The following RNF38 variants were observed in gnomAD, a reference collection of about 807,000 sequenced individuals.
The protein encoded by RNF38 is ring finger protein 38, also known as E3 ubiquitin-protein ligase RNF38.
RNF38 carries 15 observed loss-of-function variants against 67.2 expected under a neutral mutation model. The ratio of observed to expected loss-of-function variants is 0.22; its 90% CI spans 0.15 to 0.34. The LOEUF (loss-of-function observed/expected upper bound fraction) is 0.34. RNF38 is among the 10% of genes least tolerant of loss of function. The pLI, the probability that RNF38 is intolerant of heterozygous loss-of-function variation, is 1.00. For synonymous variants in RNF38, 220 were observed against 218.8 expected (o/e 1.01, Z -0.05); for missense variants, 524 against 639.9 (o/e 0.82, Z 1.95).
At chr9:36,457,310 T>C (rs1385129318) in intron 1 of RNF38, among the ~76,000 whole-genome samples, 2 of 152,194 alleles carry the variant, frequency 1.3e-5, no homozygotes, top group Admixed American at 6.5e-5. Context: ...AGGTAACACT[T>C]TGGAGTAAGG....
chr9:36,481,013 T>C (rs77462965), intron 1 of RNF38, among the ~76,000 whole-genome samples: 2 of 149,694 alleles, frequency 1.3e-5, no homozygotes, highest in South Asian at 2.1e-4. Context: ...TTTTCTTCTC[T>C]TTCTTTTTTT....
At chr9:36,354,421 T>G (rs543896074) in intron 6 of RNF38, among the ~76,000 whole-genome samples, 36 of 152,214 alleles carry the variant, frequency 2.4e-4, no homozygotes, top group Non-Finnish European at 4.3e-4. Context: ...CAGGATGGTC[T>G]CGATCTCCTG....
intron 1 of RNF38, among the ~76,000 whole-genome samples, chr9:36,432,925 A>G (rs141004005): frequency 3.3e-5 from 5 of 152,340 alleles, no homozygotes; most frequent in African/African-American, 1.2e-4. Flanking sequence ...ACCATTTATG[A>G]TAACTAAACA....
intron 2 of RNF38, among the ~76,000 whole-genome samples, chr9:36,412,182 C>T (rs1470021820): frequency 1.3e-5 from 2 of 152,212 alleles, no homozygotes; most frequent in African/African-American, 2.4e-5. Flanking sequence ...CCCATGCCCA[C>T]CTCTCCAAGC....
intron 2 of RNF38, among the ~76,000 whole-genome samples, chr9:36,379,959 T>C (rs1836086078): frequency 6.6e-6 from 1 of 152,182 alleles, no homozygotes; most frequent in South Asian, 2.1e-4. Context: ...GGGCCACACA[T>C]GCTCTTGGTT....
intron 2 of RNF38, among the ~76,000 whole-genome samples, chr9:36,406,478 G>A (rs181711338): frequency 6.6e-6 from 1 of 152,240 alleles, no homozygotes; most frequent in African/African-American, 2.4e-5. Flanking sequence ...CCGAGTTAGT[G>A]GCCTCTCCTG....
chr9:36,429,518 C>T (rs769603790), intron 1 of RNF38, among the ~76,000 whole-genome samples: 2 of 152,164 alleles, frequency 1.3e-5, no homozygotes, highest in Non-Finnish European at 2.9e-5. Context: ...CAGTGGCTCA[C>T]GCCTGTAATC....
rs771639183 is a variant in RNF38 at position 36,353,298 on chromosome 9, A to G, written c.943T>C (p.Leu315=). The G allele has an allele frequency of 2.5e-6, 4 of 1,612,170 alleles. No individual in the cohort carries two copies. The East Asian group carries it at 8.9e-5, about 36-fold the overall frequency. The change falls in exon 7 of 12, where the codon TTA becomes CTA. Residue 315 remains leucine (L), a synonymous_variant. Transcript: ENST00000259605. ...CCTCCTACTGGAAGATGTTCTCCTA[A>G]GAGTTCCACTTCATTTTCTATCCTT... ...LQRIENEVEL[L]GEHLPVGGFT...
chr9:36,472,108 GTTC>G, intron 1 of RNF38, among the ~76,000 whole-genome samples: 1 of 152,220 alleles, frequency 6.6e-6, no homozygotes, highest in South Asian at 2.1e-4. Context: ...GATTACAAGA[GTTC>G]TTGACTTACA....
In RNF38 at chr9:36,342,742, T is replaced by C. The variant is rs554789923; in HGVS notation, c.1386-318A>G. 2.6e-5 allele frequency among the ~76,000 whole-genome samples: 4 copies of C among 152,272 alleles called. No individual in the cohort carries two copies. The South Asian group carries it at 8.3e-4, about 32-fold the overall frequency. On this transcript the variant is annotated intron_variant, in intron 10 of 11. Transcript: ENST00000259605. ...AAAGGTGGACCCCTACCTCATACCATATATAAAAACTGACTCAAATGGATC... is the reference window on the plus strand; with the variant it reads ...AAAGGTGGACCCCTACCTCATACCACATATAAAAACTGACTCAAATGGATC...
At chr9:36,395,529 G>C (rs1010986442) in intron 1 of RNF38, among the ~76,000 whole-genome samples, 1 of 152,158 alleles carries the variant, frequency 6.6e-6, no homozygotes, top group African/African-American at 2.4e-5. Context: ...TGAGGAGTCA[G>C]GTGCTTAGTG....
At chr9:36,475,849 C>G (rs926362744) in intron 1 of RNF38, among the ~76,000 whole-genome samples, 6 of 150,656 alleles carry the variant, frequency 4.0e-5, no homozygotes, top group Admixed American at 1.3e-4. Context: ...AAGCCCATCT[C>G]TACTAAAAAT....
chr9:36,366,184 T>TA (rs1176633621), intron 4 of RNF38, among the ~76,000 whole-genome samples: 2 of 152,098 alleles, frequency 1.3e-5, no homozygotes, highest in Non-Finnish European at 2.9e-5. Flanking sequence ...CCCTATCATT[T>TA]AAAAAAAATT....
intron 1 of RNF38, among the ~76,000 whole-genome samples, chr9:36,397,622 C>T (rs2134108259): frequency 6.6e-6 from 1 of 152,170 alleles, no homozygotes; most frequent in East Asian, 1.9e-4. Context: ...CAGCCTAAGG[C>T]TCCCCTACTT....
intron 1 of RNF38, among the ~76,000 whole-genome samples, chr9:36,446,655 A>G (rs1038454162): frequency 6.6e-6 from 1 of 151,088 alleles, no homozygotes; most frequent in Non-Finnish European, 1.5e-5. Flanking sequence ...AAAAACACAG[A>G]AAGTTAGCCA....
chr9:36,456,296 A>G (rs901829655), intron 1 of RNF38, among the ~76,000 whole-genome samples: 4 of 152,170 alleles, frequency 2.6e-5, no homozygotes, highest in African/African-American at 9.7e-5. Flanking sequence ...GCCTCAGGTG[A>G]TCTGCCCACC....
At chr9:36,386,868 T>G (rs76774745) in intron 2 of RNF38, among the ~76,000 whole-genome samples, 2,371 of 152,308 alleles carry the variant, frequency 0.016, 30 homozygotes, top group East Asian at 0.06. Flanking sequence ...AGTGGCACAA[T>G]CTCAGCTCAC....
In RNF38 at chr9:36,452,921, TTC is replaced by T. The variant is rs200682841; in HGVS notation, n.242-28240_242-28239del. 7.9e-4 allele frequency among the ~76,000 whole-genome samples: 121 copies of T among 152,332 alleles called. No individual in the cohort carries two copies. The East Asian group carries it at 0.013, about 16-fold the overall frequency. On this transcript the variant is annotated intron_variant and non_coding_transcript_variant, in intron 1 of 3. Transcript: ENST00000488058. Reference sequence around the variant, plus strand: ...ATCAGCGGAAGGGCATTTGAATTGTTTCTGTTTTTCAGCTATAATGAATAATG... The same window carrying T: ...ATCAGCGGAAGGGCATTTGAATTGTTTGTTTTTCAGCTATAATGAATAATG...
chr9:36,462,042 A>G (rs1839745384), intron 1 of RNF38, among the ~76,000 whole-genome samples: 1 of 152,190 alleles, frequency 6.6e-6, no homozygotes, highest in Non-Finnish European at 1.5e-5. Flanking sequence ...AGGTAAGAGG[A>G]AAACAAGGAT....
Sources: gnomAD v4.1 joint callset for allele counts (sites outside exome capture counted in the v4.1 genomes callset) on GRCh38, gnomAD v4.1.1 for gene constraint, MANE v1.5 for transcripts, NCBI Gene and HGNC (gene_info 2026-07-23, HGNC 2026-07-21) for gene names.